The following CRLF2 variants were observed in gnomAD, a reference collection of about 807,000 sequenced individuals.
CRLF2 encodes the protein cytokine receptor-like factor 2.
A neutral mutation model predicts 38.7 loss-of-function variants in CRLF2; 41 were observed. That is an observed-to-expected ratio of 1.06 (90% CI 0.83 to 1.37). CRLF2 has a LOEUF of 1.37. Ranked by LOEUF, CRLF2 falls within the 40% of genes most tolerant of loss-of-function variation. The probability of loss-of-function intolerance (pLI) is 0.00; values close to 1 mark genes in which losing one functional copy is unlikely to be tolerated. For synonymous variants in CRLF2, 140 were observed against 128.8 expected (o/e 1.09, Z -0.59); for missense variants, 377 against 322.2 (o/e 1.17, Z -1.30).
chrX:1,192,067 T>C (rs2086391378), intron 7 of CRLF2, among the ~76,000 whole-genome samples: 2 of 148,048 alleles, frequency 1.4e-5, no homozygotes, highest in South Asian at 2.2e-4. Flanking sequence ...CAGCCGGGTG[T>C]GGTGGCGGGC....
intron 6 of CRLF2, 44 bp downstream of exon 6, chrX:1,196,736 G>A: frequency 1.2e-6 from 2 of 1,605,026 alleles, no homozygotes; most frequent in Non-Finnish European, 1.7e-6. Flanking sequence ...CAGACATTGT[G>A]CAAGCAGGTC....
intron 7 of CRLF2, among the ~76,000 whole-genome samples, chrX:1,191,450 C>T (rs1381139044): frequency 5.3e-5 from 8 of 151,304 alleles, no homozygotes; most frequent in Non-Finnish European, 1.0e-4. Flanking sequence ...AAAGCCCTCT[C>T]ATCTGGGAGG....
At chrX:1,210,774 ATAGT>A (rs1315149545) in intron 1 of CRLF2, among the ~76,000 whole-genome samples, 11 of 152,230 alleles carry the variant, frequency 7.2e-5, no homozygotes, top group South Asian at 2.1e-4. Flanking sequence ...GATGATAGAA[ATAGT>A]TAGACAGACA....
At chrX:1,197,230 T>A (rs1414792521) in intron 5 of CRLF2, among the ~76,000 whole-genome samples, 1 of 151,530 alleles carries the variant, frequency 6.6e-6, no homozygotes, top group Non-Finnish European at 1.5e-5. Context: ...GCAGCTGGGA[T>A]GACAGGCATC....
chrX:1,206,002 A>G (rs1474293115), intron 3 of CRLF2, among the ~76,000 whole-genome samples: 1 of 151,920 alleles, frequency 6.6e-6, no homozygotes, highest in Non-Finnish European at 1.5e-5. Context: ...GTTGCTTTTC[A>G]GTGGTTACGG....
chrX:1,208,900 C>G lies in CRLF2; in HGVS notation c.88G>C (p.Val30Leu), dbSNP rs2086738131. Residue 30 changes from valine to leucine, a missense_variant, in exon 2 of 8, where the codon GTA (valine) becomes CTA (leucine). Coordinates refer to ENST00000400841, the MANE Select transcript of CRLF2 (RefSeq NM_022148.4). ...ALGQGGAAEGVQIQIIYFNLE... is the reference protein window; with the variant it reads ...ALGQGGAAEGLQIQIIYFNLE... Reference sequence around the variant, plus strand: ...TTGAAGTAGATGATCTGAATCTGTACTCCTTCTGCTAGACACAGAGAGACG... The same window carrying G: ...TTGAAGTAGATGATCTGAATCTGTAGTCCTTCTGCTAGACACAGAGAGACG... The G allele has an allele frequency of 1.9e-6, 3 of 1,588,950 alleles. No homozygotes were observed. The highest frequency in any genetic ancestry group is 2.7e-5 in the African/African-American group (2 of 74,436).
At chrX:1,209,379 T>C (rs1298441758) in intron 1 of CRLF2, among the ~76,000 whole-genome samples, 2 of 151,404 alleles carry the variant, frequency 1.3e-5, no homozygotes, top group Non-Finnish European at 2.9e-5. Context: ...TCACCCAGGC[T>C]GGACTGCAGT....
chrX:1,208,698 A>G, intron 2 of CRLF2, 108 bp downstream of exon 2: 1 of 751,316 alleles, frequency 1.3e-6, no homozygotes, highest in Non-Finnish European at 2.4e-6. Context: ...CGGCTTGCAC[A>G]GTCTGATGCT....
chrX:1,203,039 G>A (rs1302582553), intron 3 of CRLF2, among the ~76,000 whole-genome samples: 6 of 145,496 alleles, frequency 4.1e-5, no homozygotes, highest in South Asian at 2.2e-4. Context: ...CGGAGGTTGC[G>A]GTGAGCCGAG....
intron 4 of CRLF2, among the ~76,000 whole-genome samples, chrX:1,200,839 G>A (rs1359864588): frequency 0.022 from 924 of 41,238 alleles, 16 homozygotes; most frequent in African/African-American, 0.057. Context: ...CACAAGGTAC[G>A]TACATATATG....
intron 1 of CRLF2, 116 bp from the exon 2 acceptor site, chrX:1,209,024 A>G (rs138073347): frequency 0.022 from 14,092 of 648,888 alleles, 207 homozygotes; most frequent in Middle Eastern, 0.032. Context: ...CTGGAGTACA[A>G]TGGCACGATC....
chrX:1,192,396 G>A (rs1471442826), intron 7 of CRLF2, among the ~76,000 whole-genome samples: 1 of 151,526 alleles, frequency 6.6e-6, no homozygotes, highest in Non-Finnish European at 1.5e-5. Context: ...GGCCAAGGTG[G>A]GTGGACTTGA....
rs182331701 is a variant in CRLF2 at position 1,200,985 on chromosome X, C to A, written c.483+1417G>T. ...ATGAGAATATTCTAGAGTTTACTTACACACACCTAGCTGGTCTAGCCTGCT... is the reference window on the plus strand; with the variant it reads ...ATGAGAATATTCTAGAGTTTACTTAAACACACCTAGCTGGTCTAGCCTGCT... On this transcript the variant is annotated intron_variant, in intron 4 of 7. Coordinates refer to ENST00000400841, the MANE Select transcript of CRLF2 (RefSeq NM_022148.4). 2.1e-4 allele frequency among the ~76,000 whole-genome samples: 32 copies of A among 152,084 alleles called. 1 individual carries two copies. The highest frequency in any genetic ancestry group is 2.0e-3 in the Admixed American group (31 of 15,246).
intron 6 of CRLF2, among the ~76,000 whole-genome samples, chrX:1,193,774 T>C: frequency 1.1e-5 from 1 of 91,778 alleles, no homozygotes; most frequent in South Asian, 4.1e-4. Context: ...AGAGCGAGAC[T>C]CCATCTCAAA....
intron 2 of CRLF2, among the ~76,000 whole-genome samples, chrX:1,208,203 C>G (rs1444662056): frequency 6.6e-6 from 1 of 152,042 alleles, no homozygotes; most frequent in Non-Finnish European, 1.5e-5. Context: ...GCAGATAAGA[C>G]TTAAAGTTCA....
rs1230303576 is a variant in CRLF2 at position 1,198,489 on chromosome X, C to G, written c.646+73G>C. ...GCAGGACACCCTCCCTCCCACCTCC[C>G]GGGAAGGCAGTGGCTATGCCTACTC... On this transcript the variant is annotated intron_variant, in intron 5 of 7. Transcript: ENST00000400841. The G allele has an allele frequency of 5.2e-6, 8 of 1,541,284 alleles. No homozygotes were observed. The Admixed American group carries it at 1.0e-4, about 19-fold the overall frequency.
intron 4 of CRLF2, 104 bp downstream of exon 4, chrX:1,202,298 G>T: frequency 7.4e-7 from 1 of 1,344,266 alleles, no homozygotes; most frequent in Non-Finnish European, 1.0e-6. Context: ...ATTCAGGAAG[G>T]TGTAGACAGA....
intron 6 of CRLF2, among the ~76,000 whole-genome samples, 164 bp downstream of exon 6, chrX:1,196,616 C>T (rs1213383980): frequency 6.6e-6 from 1 of 151,928 alleles, no homozygotes; most frequent in African/African-American, 2.4e-5. Context: ...CCACCATGCC[C>T]AGCCCCTCCG....
At chrX:1,200,580 T>TGG (rs2086586265) in intron 4 of CRLF2, among the ~76,000 whole-genome samples, 1 of 108,846 alleles carries the variant, frequency 9.2e-6, no homozygotes, top group African/African-American at 3.1e-5. Flanking sequence ...GCTGTGTGTG[T>TGG]GTATATATGT....
Sources: gnomAD v4.1 joint callset for allele counts (sites outside exome capture counted in the v4.1 genomes callset) on GRCh38, gnomAD v4.1.1 for gene constraint, MANE v1.5 for transcripts, NCBI Gene and HGNC (gene_info 2026-07-23, HGNC 2026-07-21) for gene names.